Variants in DSCAM observed in about 807,000 individuals in gnomAD.
The protein encoded by DSCAM is cell adhesion molecule DSCAM.
A neutral mutation model predicts 217.7 loss-of-function variants in DSCAM; 47 were observed. The ratio of observed to expected loss-of-function variants is 0.22; its 90% confidence interval spans 0.17 to 0.28. The LOEUF is 0.28. Among genes scored for constraint, DSCAM ranks in the 10% least tolerant of loss-of-function variants. The probability of loss-of-function intolerance (pLI) is 1.00; values close to 1 mark genes in which losing one functional copy is unlikely to be tolerated. For missense variants in DSCAM, 2,080 were observed against 2,618.3 expected (o/e 0.79, Z 4.49); for synonymous variants, 1,056 against 1,015.3 (o/e 1.04, Z -0.76).
chr21:40,203,446 C>T (rs1241360147), intron 11 of DSCAM, among the ~76,000 whole-genome samples: 1 of 152,250 alleles, frequency 6.6e-6, no homozygotes, highest in Admixed American at 6.5e-5. Context: ...TGCTTTACAT[C>T]TGTTCTTTGT....
chr21:40,316,932 G>A (rs1248882373), intron 8 of DSCAM, among the ~76,000 whole-genome samples: 2 of 152,198 alleles, frequency 1.3e-5, no homozygotes, highest in Admixed American at 6.5e-5. Flanking sequence ...AGGCGTATAA[G>A]ACTTTGATAA....
chr21:40,803,051 T>C (rs948993523), intron 1 of DSCAM, among the ~76,000 whole-genome samples: 5 of 152,224 alleles, frequency 3.3e-5, no homozygotes, highest in East Asian at 1.9e-4. Flanking sequence ...AAATCTGTTA[T>C]TCTCTTTGGA....
intron 3 of DSCAM, among the ~76,000 whole-genome samples, chr21:40,557,377 C>T (rs2091894): frequency 0.45 from 67,997 of 151,846 alleles, 16,522 homozygotes; most frequent in Admixed American, 0.55. Context: ...CTTTTTTAGA[C>T]GGAGTCTCAC....
intron 6 of DSCAM, among the ~76,000 whole-genome samples, chr21:40,341,769 G>A (rs1210068516): frequency 6.6e-6 from 1 of 152,164 alleles, no homozygotes; most frequent in Non-Finnish European, 1.5e-5. Flanking sequence ...CTTTGGAACA[G>A]TACTATTATC....
chr21:40,720,650 T>C (rs1264908717), intron 1 of DSCAM, among the ~76,000 whole-genome samples: 1 of 151,896 alleles, frequency 6.6e-6, no homozygotes, highest in Non-Finnish European at 1.5e-5. Flanking sequence ...ACTCTATGTC[T>C]TCACTAAAGT....
At chr21:40,214,735 C>CAAAAAAAAAAAAAAAAAAAAAAAAAA (rs1209648217) in intron 11 of DSCAM, among the ~76,000 whole-genome samples, 11 of 67,862 alleles carry the variant, frequency 1.6e-4, no homozygotes, top group East Asian at 4.9e-4. Context: ...GCAACAACAG[C>CAAAAAAAAAAAAAAAAAAAAAAAAAA]AAAAAAAAAA....
chr21:40,318,774 G>C (rs1251628329), intron 8 of DSCAM, among the ~76,000 whole-genome samples: 1 of 152,150 alleles, frequency 6.6e-6, no homozygotes, highest in Non-Finnish European at 1.5e-5. Flanking sequence ...AAAGAAACCA[G>C]AGGCTGCGTG....
chr21:40,593,788 G>T (rs943725932), intron 3 of DSCAM, among the ~76,000 whole-genome samples: 4 of 152,208 alleles, frequency 2.6e-5, no homozygotes, highest in African/African-American at 9.7e-5. Context: ...CACAGGAAAT[G>T]GAGGTTGAAT....
intron 1 of DSCAM, among the ~76,000 whole-genome samples, chr21:40,713,725 A>C (rs552605939): frequency 7.2e-5 from 11 of 152,338 alleles, no homozygotes; most frequent in African/African-American, 2.2e-4. Flanking sequence ...GCATTTTAGC[A>C]CTACATCTTG....
At chr21:40,814,227 C>T (rs982469989) in intron 1 of DSCAM, among the ~76,000 whole-genome samples, 1 of 152,212 alleles carries the variant, frequency 6.6e-6, no homozygotes, top group Non-Finnish European at 1.5e-5. Flanking sequence ...AATTCTCCTG[C>T]GCATGAAGAA....
chr21:40,743,656 A>T (rs541394570), intron 1 of DSCAM, among the ~76,000 whole-genome samples: 1 of 152,274 alleles, frequency 6.6e-6, no homozygotes, highest in Non-Finnish European at 1.5e-5. Context: ...TTAAAAAAAA[A>T]TTTTGTGATA....
Position 40,333,102 on chromosome 21 carries a change from A to G in DSCAM, c.1783+4999T>C, listed in dbSNP as rs918999861. On this transcript the variant is annotated intron_variant, in intron 8 of 32. Coordinates refer to ENST00000400454, the MANE Select transcript of DSCAM (RefSeq NM_001389.5). ...CCAAAATTAGCTGGCTGAAATATTC[A>G]CTGTGTGGTCTCCCAGGAAAAGTAG... Among the ~76,000 whole-genome samples the G allele has an allele frequency of 1.8e-4, 28 of 152,262 alleles. 1 individual carries two copies. The highest frequency in any genetic ancestry group is 1.7e-3 in the Admixed American group (26 of 15,294).
intron 3 of DSCAM, among the ~76,000 whole-genome samples, chr21:40,567,576 T>C (rs2076774327): frequency 6.6e-6 from 1 of 152,228 alleles, no homozygotes; most frequent in African/African-American, 2.4e-5. Flanking sequence ...AACATCTGTC[T>C]CTATAATTAT....
intron 3 of DSCAM, among the ~76,000 whole-genome samples, chr21:40,679,674 C>G (rs116576497): frequency 0.01 from 1,580 of 152,202 alleles, 22 homozygotes; most frequent in African/African-American, 0.035. Flanking sequence ...AATATAAGAT[C>G]CTTTCATTCT....
chr21:40,655,120 G>A (rs7278902), intron 3 of DSCAM, among the ~76,000 whole-genome samples: 47,189 of 151,870 alleles, frequency 0.31, 8,081 homozygotes, highest in African/African-American at 0.46. Context: ...AGTCCACAGC[G>A]TGCCACACTC....
intron 3 of DSCAM, among the ~76,000 whole-genome samples, chr21:40,487,614 T>C (rs2076041111): frequency 1.3e-5 from 2 of 152,064 alleles, no homozygotes; most frequent in South Asian, 4.1e-4. Flanking sequence ...AAAATCAGCA[T>C]AACTGCAGGG....
chr21:40,616,843 C>A (rs1333127754), intron 3 of DSCAM, among the ~76,000 whole-genome samples: 1 of 151,844 alleles, frequency 6.6e-6, no homozygotes, highest in East Asian at 2.0e-4. Flanking sequence ...CGGTGAAACA[C>A]CGACTCTACT....
At chr21:40,524,413 T>A (rs2076384053) in intron 3 of DSCAM, among the ~76,000 whole-genome samples, 1 of 152,128 alleles carries the variant, frequency 6.6e-6, no homozygotes. Flanking sequence ...ATTTAAAATA[T>A]TAGATATTCC....
chr21:40,746,329 G>A (rs1266695250), intron 1 of DSCAM, among the ~76,000 whole-genome samples: 1 of 146,886 alleles, frequency 6.8e-6, no homozygotes, highest in Admixed American at 6.8e-5. Flanking sequence ...ATAAAAACAT[G>A]CACAGACTAA....
Sources: allele counts gnomAD v4.1 joint callset (sites outside exome capture counted in the v4.1 genomes callset), GRCh38; gene constraint gnomAD v4.1.1; transcripts MANE v1.5; gene names NCBI Gene and HGNC (gene_info 2026-07-23, HGNC 2026-07-21).